The following COL4A6 variants were observed in gnomAD, a reference collection of about 807,000 sequenced individuals.
COL4A6 encodes the protein collagen type IV alpha 6 chain.
COL4A6 carries 59 observed loss-of-function variants against 126.7 expected under a neutral mutation model. The observed-to-expected ratio is 0.47, with a 90% CI of 0.38 to 0.58. The LOEUF (loss-of-function observed/expected upper bound fraction) is 0.58. COL4A6 is among the 20% of genes least tolerant of loss of function. The pLI is 0.00. For synonymous variants in COL4A6, 547 were observed against 496.6 expected, an observed-to-expected ratio of 1.10 and a Z score of -1.35; for missense variants, 1,285 against 1,337.3, an observed-to-expected ratio of 0.96 and a Z score of 0.61.
chrX:108,291,591 T>C (rs1173808202), intron 3 of COL4A6, among the ~76,000 whole-genome samples: 1 of 111,414 alleles, frequency 9.0e-6, no homozygotes, highest in African/African-American at 3.3e-5. Context: ...ATTAGTATCT[T>C]CACTTATAAA....
chrX:108,329,801 G>A (rs2039251678), intron 2 of COL4A6, among the ~76,000 whole-genome samples: 3 of 110,855 alleles, frequency 2.7e-5, no homozygotes, highest in South Asian at 7.7e-4. Flanking sequence ...TTCTGAGTTG[G>A]TAAATGGACG....
intron 6 of COL4A6, 146 bp downstream of exon 6, chrX:108,213,966 G>T (rs2035784669): frequency 4.0e-6 from 2 of 497,188 alleles, no homozygotes; most frequent in Non-Finnish European, 7.0e-6. Context: ...TACTGTTGTG[G>T]TGCTGCCAGT....
intron 25 of COL4A6, among the ~76,000 whole-genome samples, chrX:108,179,852 G>A (rs2034630235): frequency 9.3e-6 from 1 of 107,719 alleles, no homozygotes; most frequent in African/African-American, 3.4e-5. Context: ...TGAGCCCCGA[G>A]CCCTAGAGCA....
intron 40 of COL4A6, among the ~76,000 whole-genome samples, chrX:108,164,258 G>T (rs2034052199): frequency 9.0e-6 from 1 of 111,322 alleles, no homozygotes; most frequent in African/African-American, 3.3e-5. Flanking sequence ...TGTGAGTGAG[G>T]GTGGGAAAGG....
At chrX:108,158,867 G>C (rs1188272291) in intron 44 of COL4A6, among the ~76,000 whole-genome samples, 1 of 112,307 alleles carries the variant, frequency 8.9e-6, no homozygotes, top group African/African-American at 3.2e-5. Context: ...GATATTATGT[G>C]AGGGACTTGA....
At chrX:108,199,697 G>A (rs1355152995) in intron 13 of COL4A6, among the ~76,000 whole-genome samples, 1 of 111,696 alleles carries the variant, frequency 9.0e-6, no homozygotes, top group Non-Finnish European at 1.9e-5. Flanking sequence ...GGAATGGGTT[G>A]AAATTGCAGC....
intron 24 of COL4A6, 117 bp from the exon 25 acceptor site, chrX:108,180,739 C>T: frequency 2.6e-6 from 2 of 769,921 alleles, no homozygotes; most frequent in Non-Finnish European, 3.8e-6. Flanking sequence ...CTCACCTCCC[C>T]ACACTGCCCT....
rs138037775 is a variant in COL4A6 at position 108,221,442 on chromosome X, C to G, written c.145-68G>C. On this transcript the variant is annotated intron_variant, in intron 3 of 44. Transcript: ENST00000334504. ...AGCATTAATACTTCTCATTTTCCCA[C>G]GCACAAAGAGCACTGTCATAACTTC... The G allele has an allele frequency of 3.0e-5, 33 of 1,113,086 alleles. No homozygotes were observed. The Middle Eastern group carries it at 2.4e-3, about 82-fold the overall frequency. 91.7% of individuals were successfully genotyped at this position (1,113,086 alleles called of 1,213,427 possible). A position where few individuals can be genotyped will look rare whatever the true frequency, so the allele number is the denominator to read the frequency against.
intron 3 of COL4A6, among the ~76,000 whole-genome samples, chrX:108,246,514 C>G (rs2036720197): frequency 1.8e-5 from 2 of 111,992 alleles, no homozygotes; most frequent in African/African-American, 6.5e-5. Context: ...ATGGATGTGG[C>G]TGTGTTCTAA....
At chrX:108,338,433 G>A (rs1330551545) in intron 2 of COL4A6, among the ~76,000 whole-genome samples, 1 of 112,088 alleles carries the variant, frequency 8.9e-6, no homozygotes, top group African/African-American at 3.2e-5. Flanking sequence ...TGTAATCTTT[G>A]TAAAGAATTA....
intron 30 of COL4A6, 98 bp downstream of exon 30, chrX:108,174,992 G>A: frequency 9.7e-7 from 1 of 1,030,910 alleles, no homozygotes; most frequent in Non-Finnish European, 1.3e-6. Flanking sequence ...GGTTGGCGAT[G>A]GGGGGCTGTA....
At chrX:108,213,054 A>AT (rs1488526980) in intron 6 of COL4A6, among the ~76,000 whole-genome samples, 3 of 111,265 alleles carry the variant, frequency 2.7e-5, no homozygotes, top group Non-Finnish European at 5.7e-5. Context: ...ACCCCCCGGC[A>AT]TATTGATTTG....
intron 2 of COL4A6, among the ~76,000 whole-genome samples, chrX:108,429,427 A>G (rs2064141595): frequency 8.9e-6 from 1 of 112,203 alleles, no homozygotes; most frequent in Non-Finnish European, 1.9e-5. Context: ...TGACTTTGGT[A>G]TCTTGACTGT....
intron 3 of COL4A6, among the ~76,000 whole-genome samples, chrX:108,277,485 T>C (rs1203326723): frequency 8.9e-6 from 1 of 112,439 alleles, no homozygotes; most frequent in African/African-American, 3.2e-5. Context: ...AAAGCAGCCC[T>C]GAAGCTCGAA....
intron 2 of COL4A6, among the ~76,000 whole-genome samples, chrX:108,429,745 C>G (rs2064146626): frequency 8.9e-6 from 1 of 111,882 alleles, no homozygotes; most frequent in African/African-American, 3.2e-5. Context: ...AGTCACACAG[C>G]TAGGAAGTGT....
At chrX:108,341,326 G>A (rs1195301645) in intron 2 of COL4A6, among the ~76,000 whole-genome samples, 1 of 110,950 alleles carries the variant, frequency 9.0e-6, no homozygotes, top group Non-Finnish European at 1.9e-5. Context: ...GTATGGTTTG[G>A]CTGTGTCCCC....
chrX:108,208,054 G>A (rs760544973), intron 8 of COL4A6, among the ~76,000 whole-genome samples: 3 of 111,669 alleles, frequency 2.7e-5, no homozygotes, highest in African/African-American at 9.7e-5. Flanking sequence ...GGTAGGCTTC[G>A]AGACAAATAA....
chrX:108,226,519 C>G (rs1400307715), intron 3 of COL4A6, among the ~76,000 whole-genome samples: 1 of 111,149 alleles, frequency 9.0e-6, no homozygotes, highest in African/African-American at 3.3e-5. Flanking sequence ...AATCTACATA[C>G]TAATGACTCC....
intron 23 of COL4A6, among the ~76,000 whole-genome samples, chrX:108,183,951 G>T (rs112522093): frequency 1.5e-3 from 173 of 111,819 alleles, no homozygotes; most frequent in Middle Eastern, 0.014. Context: ...GTAATAACCA[G>T]GGTGATTGAT....
Sources: gnomAD v4.1 joint callset for allele counts (sites outside exome capture counted in the v4.1 genomes callset) on GRCh38, gnomAD v4.1.1 for gene constraint, MANE v1.5 for transcripts, NCBI Gene and HGNC (gene_info 2026-07-23, HGNC 2026-07-21) for gene names.